Variants in HMGCS1 observed in about 807,000 individuals in gnomAD.
The protein encoded by HMGCS1 is 3-hydroxy-3-methylglutaryl-CoA synthase 1.
HMGCS1 carries 9 observed loss-of-function variants against 52.3 expected under a neutral mutation model. That is an observed-to-expected ratio of 0.17 (90% CI 0.10 to 0.30). HMGCS1 has a LOEUF of 0.30. Ranked by LOEUF, HMGCS1 falls within the 10% of genes least tolerant of loss-of-function variation. The pLI is 1.00. For missense variants in HMGCS1, 320 were observed against 620.9 expected (o/e 0.52, Z 5.15); for synonymous variants, 176 against 214.4 (o/e 0.82, Z 1.57).
At chr5:43,300,274 T>C (rs564744541) in intron 2 of HMGCS1, among the ~76,000 whole-genome samples, 10 of 152,296 alleles carry the variant, frequency 6.6e-5, no homozygotes, top group Admixed American at 5.9e-4. Flanking sequence ...AAACCTAAAA[T>C]TCTACAACTC....
In HMGCS1 at chr5:43,297,042, A is replaced by G. The variant is rs3733769; in HGVS notation, c.699T>C (p.Tyr233=). The change falls in exon 5 of 11, where the codon TAT becomes TAC. Residue 233 remains tyrosine, a synonymous_variant. Coordinates refer to ENST00000325110, the MANE Select transcript of HMGCS1 (RefSeq NM_001098272.3). The part of the protein sequence containing the change: ...QCYLSALDRC[Y]SVYCKKIHAQ... ...CATGGATCTTTTTGCAGTAGACAGA[A>G]TAGCAGCGGTCTAATGCACTGAGGT... 0.49 allele frequency: 786,295 copies of G among 1,612,734 alleles called. 196,846 individuals carry two copies. The highest frequency in any genetic ancestry group is 0.61 in the Middle Eastern group (3,677 of 6,062).
rs1172004793 is a variant in HMGCS1, at chr5:43,307,939, T to G, written c.-69-115A>C. 6.6e-5 allele frequency: 10 copies of G among 152,366 alleles called. No homozygotes were observed. The East Asian group carries it at 1.7e-3, about 26-fold the overall frequency. The allele number at this position is 152,366 out of a possible 1,614,324, so 9.4% of individuals were successfully genotyped here. ...TAAGCAATTCCTTATCCAATTACAT[T>G]ATGCAGAATAGAATTTGACATTTGC... On this transcript the variant is annotated intron_variant, in intron 1 of 10. Transcript: ENST00000325110.
intron 2 of HMGCS1, among the ~76,000 whole-genome samples, chr5:43,307,234 C>T (rs772859003): frequency 2.8e-4 from 43 of 152,116 alleles, no homozygotes; most frequent in South Asian, 1.7e-3. Context: ...CCAAGCCTGG[C>T]TAATTTTTTT....
At chr5:43,308,245 G>C (rs1010637744) in intron 1 of HMGCS1, among the ~76,000 whole-genome samples, 22 of 152,340 alleles carry the variant, frequency 1.4e-4, no homozygotes, top group African/African-American at 5.3e-4. Context: ...TGCACTGCAT[G>C]TAACAGATTG....
chr5:43,308,461 C>A (rs1754687353), intron 1 of HMGCS1, among the ~76,000 whole-genome samples: 1 of 152,144 alleles, frequency 6.6e-6, no homozygotes, highest in South Asian at 2.1e-4. Flanking sequence ...GGTATTTTTT[C>A]TAGCAAGACC....
intron 1 of HMGCS1, 72 bp from the exon 2 acceptor site, chr5:43,307,896 A>G (rs969479450): frequency 5.3e-5 from 8 of 152,372 alleles, no homozygotes; most frequent in African/African-American, 1.9e-4. Context: ...AATGAATCCA[A>G]TTCAAAGTGA....
At chr5:43,294,568 A>G (rs1753939487) in intron 7 of HMGCS1, 123 bp downstream of exon 7, 2 of 623,102 alleles carry the variant, frequency 3.2e-6, no homozygotes, top group Non-Finnish European at 5.4e-6. Flanking sequence ...ATAGCAGATT[A>G]GAGAGCCTCA....
intron 5 of HMGCS1, 52 bp downstream of exon 5, chr5:43,296,950 A>G: frequency 1.4e-6 from 2 of 1,478,960 alleles, no homozygotes; most frequent in Non-Finnish European, 1.9e-6. Context: ...TACCTAGTAC[A>G]TTAGACTGCT....
chr5:43,293,143 T>C (rs924547141), intron 8 of HMGCS1, among the ~76,000 whole-genome samples, 170 bp from the exon 9 acceptor site: 1 of 152,232 alleles, frequency 6.6e-6, no homozygotes, highest in Non-Finnish European at 1.5e-5. Flanking sequence ...AAATCTCCTA[T>C]GATGTCAGAC....
At position 43,291,164 on chromosome 5, in the gene HMGCS1, A is replaced by C; in HGVS notation, c.1530T>G (p.Pro510=). ...VPRLPATAAE[P]EAAVISNGEH is the part of the protein sequence containing the mutation. ...CCCCATTACTAATGACAGCTGCTTC[A>C]GGTTCTGCTGCTGTGGCAGGGAGTC... The change falls in exon 11 of 11, where the codon CCT becomes CCG. Residue 510 remains proline, a synonymous_variant. Transcript: ENST00000325110. The C allele has an allele frequency of 1.2e-6, 2 of 1,607,500 alleles. No individual in the cohort carries two copies. The highest frequency in any genetic ancestry group is 1.7e-6 in the Non-Finnish European group (2 of 1,177,922).
In HMGCS1 at chr5:43,297,191, T is replaced by C. The variant is rs115759422; in HGVS notation, c.575-25A>G. On this transcript the variant is annotated intron_variant, in intron 4 of 10. Transcript: ENST00000325110. ...CCTATTAGAACCAAAAAGGAAGATG[T>C]CTATATATTTCTGCTTCTTGATGTC... 4,534 of 1,585,052 alleles carry C rather than the reference T, an allele frequency of 2.9e-3. 113 individuals carry two copies. The African/African-American group carries it at 0.055, about 19-fold the overall frequency.
chr5:43,310,372 C>G (rs1006614930), intron 1 of HMGCS1, among the ~76,000 whole-genome samples: 3 of 152,216 alleles, frequency 2.0e-5, no homozygotes, highest in African/African-American at 7.2e-5. Flanking sequence ...GTCATTCATA[C>G]CCAAGTCTAC....
chr5:43,299,698 AAT>A (rs1441896564), intron 2 of HMGCS1, among the ~76,000 whole-genome samples: 1 of 151,880 alleles, frequency 6.6e-6, no homozygotes, highest in African/African-American at 2.4e-5. Flanking sequence ...TCAATCAATC[AAT>A]CATGTATTCA....
intron 2 of HMGCS1, among the ~76,000 whole-genome samples, chr5:43,307,112 C>T (rs1754617383): frequency 6.7e-6 from 1 of 150,176 alleles, no homozygotes; most frequent in African/African-American, 2.5e-5. Flanking sequence ...ACTCTGTTGC[C>T]CAGGCTGGAG....
chr5:43,296,075 A>G (rs2111656516), intron 5 of HMGCS1, among the ~76,000 whole-genome samples, 158 bp from the exon 6 acceptor site: 1 of 152,348 alleles, frequency 6.6e-6, no homozygotes, highest in Non-Finnish European at 1.5e-5. Context: ...ATACATTTAA[A>G]AAGACACTCA....
At chr5:43,296,887 T>C (rs542406852) in intron 5 of HMGCS1, 115 bp downstream of exon 5, 2 of 707,090 alleles carry the variant, frequency 2.8e-6, no homozygotes, top group African/African-American at 3.6e-5. Context: ...GAGGAATTAA[T>C]GGTAAAAGGA....
chr5:43,293,215 T>C (rs147177595), intron 8 of HMGCS1, among the ~76,000 whole-genome samples: 48 of 152,350 alleles, frequency 3.2e-4, no homozygotes, highest in African/African-American at 1.1e-3. Context: ...AATTTGAAAC[T>C]ATAAATAACT....
At chr5:43,308,849 G>A (rs144637059) in intron 1 of HMGCS1, among the ~76,000 whole-genome samples, 2 of 151,544 alleles carry the variant, frequency 1.3e-5, no homozygotes, top group Non-Finnish European at 2.9e-5. Context: ...CTCTTCAGTC[G>A]TAGCGCCTTT....
At chr5:43,312,845 A>C (rs2111769474) in intron 1 of HMGCS1, among the ~76,000 whole-genome samples, 1 of 152,002 alleles carries the variant, frequency 6.6e-6, no homozygotes, top group South Asian at 2.1e-4. Context: ...AATGCTACCC[A>C]CTTCCCTTCT....
Sources: gnomAD v4.1 joint callset for allele counts (sites outside exome capture counted in the v4.1 genomes callset) on GRCh38, gnomAD v4.1.1 for gene constraint, MANE v1.5 for transcripts, NCBI Gene and HGNC (gene_info 2026-07-23, HGNC 2026-07-21) for gene names.